PDE4B: variants seen among roughly 807,000 people sequenced by gnomAD.
PDE4B encodes phosphodiesterase 4B, also known as 3',5'-cyclic-AMP phosphodiesterase 4B.
A neutral mutation model predicts 82.2 loss-of-function variants in PDE4B; 20 were observed. The observed-to-expected ratio is 0.24, with a 90% CI of 0.17 to 0.35. PDE4B has a LOEUF of 0.35. PDE4B is among the 10% of genes least tolerant of loss of function. The pLI, the probability that PDE4B is intolerant of heterozygous loss-of-function variation, is 1.00. For missense variants in PDE4B, 655 were observed against 907.2 expected (o/e 0.72, Z 3.57); for synonymous variants, 320 against 318.9 (o/e 1.00, Z -0.04).
At chr1:66,343,568 G>A (rs1661177228) in intron 8 of PDE4B, among the ~76,000 whole-genome samples, 1 of 152,184 alleles carries the variant, frequency 6.6e-6, no homozygotes, top group African/African-American at 2.4e-5. Flanking sequence ...TGCTCAGATT[G>A]CAAGTTTGAA....
chr1:65,924,362 C>T (rs1032659636), intron 3 of PDE4B, among the ~76,000 whole-genome samples: 1 of 151,740 alleles, frequency 6.6e-6, no homozygotes, highest in African/African-American at 2.4e-5. Context: ...GCGTGAGCCA[C>T]CGCGCCCGGC....
intron 3 of PDE4B, among the ~76,000 whole-genome samples, chr1:66,134,703 G>C (rs1009742724): frequency 1.3e-5 from 2 of 152,198 alleles, no homozygotes; most frequent in Non-Finnish European, 2.9e-5. Context: ...TGTTCTGAGA[G>C]TCAAATGAAA....
chr1:66,189,712 G>T (rs1647572436), intron 3 of PDE4B, among the ~76,000 whole-genome samples: 1 of 151,934 alleles, frequency 6.6e-6, no homozygotes, highest in Non-Finnish European at 1.5e-5. Context: ...CTCTGCATTG[G>T]TTATTCTAGT....
chr1:66,273,413 T>G (rs1359358951), intron 7 of PDE4B, among the ~76,000 whole-genome samples: 1 of 152,260 alleles, frequency 6.6e-6, no homozygotes, highest in Non-Finnish European at 1.5e-5. Flanking sequence ...ATTCTTGGAT[T>G]CAGGATTAAA....
At chr1:66,234,589 T>A (rs1652254643) in intron 3 of PDE4B, among the ~76,000 whole-genome samples, 1 of 152,160 alleles carries the variant, frequency 6.6e-6, no homozygotes, top group Non-Finnish European at 1.5e-5. Context: ...GTGCCCAGCC[T>A]GGTATAATTT....
chr1:66,194,112 C>A (rs1371311165), intron 3 of PDE4B, among the ~76,000 whole-genome samples: 1 of 152,014 alleles, frequency 6.6e-6, no homozygotes, highest in South Asian at 2.1e-4. Context: ...TAGAAAACAG[C>A]TCACATAATG....
chr1:66,196,332 C>G (rs1251713498), intron 3 of PDE4B, among the ~76,000 whole-genome samples: 1 of 152,172 alleles, frequency 6.6e-6, no homozygotes, highest in Admixed American at 6.5e-5. Context: ...GGATGATGCC[C>G]TAGGCCTTTT....
intron 9 of PDE4B, 56 bp from the exon 10 acceptor site, chr1:66,361,559 G>T: frequency 1.6e-5 from 21 of 1,344,134 alleles, no homozygotes; most frequent in Admixed American, 2.0e-5. Flanking sequence ...TTTGAATATT[G>T]CAGTGGATTC....
At chr1:65,951,338 T>TGAGAGAAAGGGAC (rs1399833538) in intron 3 of PDE4B, among the ~76,000 whole-genome samples, 251 of 152,194 alleles carry the variant, frequency 1.6e-3, no homozygotes, top group African/African-American at 5.8e-3. Flanking sequence ...GAAAAGGGGA[T>TGAGAGAAAGGGAC]GAGAGAAAGG....
At chr1:66,005,910 C>A (rs569212931) in intron 3 of PDE4B, among the ~76,000 whole-genome samples, 1 of 152,130 alleles carries the variant, frequency 6.6e-6, no homozygotes, top group South Asian at 2.1e-4. Context: ...GGTAGCTTTT[C>A]TGTCAAGTGG....
At chr1:65,987,657 G>C (rs1360710856) in intron 3 of PDE4B, among the ~76,000 whole-genome samples, 1 of 151,992 alleles carries the variant, frequency 6.6e-6, no homozygotes, top group Non-Finnish European at 1.5e-5. Flanking sequence ...TGTCTGCCTG[G>C]GCTGGAGTGC....
At chr1:65,970,929 G>C (rs1017998004) in intron 3 of PDE4B, among the ~76,000 whole-genome samples, 2 of 151,624 alleles carry the variant, frequency 1.3e-5, no homozygotes, top group Non-Finnish European at 2.9e-5. Context: ...GACAGGACGG[G>C]ATCTTGGCTT....
At chr1:66,238,176 A>C (rs374790609) in intron 3 of PDE4B, among the ~76,000 whole-genome samples, 5 of 152,182 alleles carry the variant, frequency 3.3e-5, no homozygotes, top group African/African-American at 9.7e-5. Flanking sequence ...TTTATGTAGC[A>C]CTTTCTACCA....
intron 3 of PDE4B, among the ~76,000 whole-genome samples, chr1:65,940,785 G>A (rs975797046): frequency 8.5e-5 from 13 of 152,084 alleles, no homozygotes; most frequent in African/African-American, 2.9e-4. Flanking sequence ...AAGTATAAAA[G>A]TGTTGATGGC....
At chr1:65,911,281 T>G (rs1220739418) in intron 1 of PDE4B, among the ~76,000 whole-genome samples, 6 of 152,314 alleles carry the variant, frequency 3.9e-5, no homozygotes, top group Admixed American at 3.9e-4. Context: ...TTTTTATATT[T>G]TTGAACATCA....
intron 7 of PDE4B, among the ~76,000 whole-genome samples, chr1:66,274,191 A>C (rs1655706783): frequency 6.7e-6 from 1 of 148,180 alleles, no homozygotes; most frequent in African/African-American, 2.5e-5. Context: ...ATAGAGTTTC[A>C]CTCTTGTTGC....
rs370410012 is a variant in PDE4B at position 65,948,747 on chromosome 1, CT to C, written c.281+29913del. On this transcript the variant is annotated intron_variant, in intron 3 of 16. Transcript: ENST00000341517. ...GGGATCTTTGGCTATCAGCATCAATCTGTATTCACGTGTTTGGAAATATCTG... is the reference window on the plus strand; with the variant it reads ...GGGATCTTTGGCTATCAGCATCAATCGTATTCACGTGTTTGGAAATATCTG... 1.8e-3 allele frequency among the ~76,000 whole-genome samples: 272 copies of C among 152,176 alleles called. 4 individuals carry two copies. Among genetic ancestry groups the C allele is most frequent in the African/African-American group, 6.4e-3 (267 of 41,554 alleles).
chr1:66,353,457 C>T (rs960494483), intron 8 of PDE4B, among the ~76,000 whole-genome samples: 4 of 152,122 alleles, frequency 2.6e-5, no homozygotes, highest in Non-Finnish European at 5.9e-5. Flanking sequence ...TTGTTGGATG[C>T]GGATGCTCAT....
intron 1 of PDE4B, among the ~76,000 whole-genome samples, chr1:65,795,288 G>A (rs999821671): frequency 2.6e-5 from 4 of 152,226 alleles, no homozygotes; most frequent in African/African-American, 4.8e-5. Context: ...AGAGGTATAT[G>A]AAGAGGTCTT....
Sources: gnomAD v4.1 joint callset for allele counts (sites outside exome capture counted in the v4.1 genomes callset) on GRCh38, gnomAD v4.1.1 for gene constraint, MANE v1.5 for transcripts, NCBI Gene and HGNC (gene_info 2026-07-23, HGNC 2026-07-21) for gene names.